Variants in ABCG5 observed in about 807,000 individuals in gnomAD.
ABCG5 encodes the protein ATP binding cassette subfamily G member 5.
Under a neutral mutation model 64.5 loss-of-function variants are expected in ABCG5, and 64 were observed. The ratio of observed to expected loss-of-function variants is 0.99; its 90% CI spans 0.81 to 1.22. ABCG5 has a LOEUF of 1.22. Ranked by LOEUF, ABCG5 falls within the 50% of genes most tolerant of loss-of-function variation. ABCG5 has a pLI of 0.00. For missense variants in ABCG5, 908 were observed against 829.5 expected (o/e 1.09, Z -1.16); for synonymous variants, 385 against 326.3 (o/e 1.18, Z -1.94).
At chr2:43,813,365 A>G in intron 12 of ABCG5, 56 bp from the exon 13 acceptor site, 1 of 1,302,238 alleles carries the variant, frequency 7.7e-7, no homozygotes, top group Non-Finnish European at 1.1e-6. Flanking sequence ...TAATTTAATC[A>G]ACAAGTATTT....
rs773557639 is a variant in ABCG5 at position 43,831,753 on chromosome 2, G to C, written c.501+16C>G. On this transcript the variant is annotated intron_variant, in intron 4 of 12. Coordinates refer to ENST00000405322, the MANE Select transcript of ABCG5 (RefSeq NM_022436.3). ...GGTACTCAGTTTGCCCTCTGTGAGCGGGGGGCTGCACCCACCTTCTTCTGG... is the reference window on the plus strand; with the variant it reads ...GGTACTCAGTTTGCCCTCTGTGAGCCGGGGGCTGCACCCACCTTCTTCTGG... The C allele has an allele frequency of 1.6e-5, 25 of 1,562,012 alleles. No individual in the cohort carries two copies. The South Asian group carries it at 2.6e-4, about 16-fold the overall frequency.
chr2:43,828,067 G>A lies in ABCG5; in HGVS notation c.550C>T (p.Leu184=), dbSNP rs762951266. 1.6e-5 allele frequency: 26 copies of A among 1,614,108 alleles called. No homozygotes were observed. In the Admixed American group the frequency reaches 4.2e-4, roughly 26 times the overall value. The change falls in exon 5 of 13, where the codon CTG becomes TTG. Residue 184 remains leucine (L), a synonymous_variant. Coordinates refer to ENST00000405322, the MANE Select transcript of ABCG5 (RefSeq NM_022436.3). ...ELSLSHVADR[L]IGNYSLGGIS... ...CCCCCCAAGCTGTAGTTGCCAATCA[G>A]TCGGTCTGCCACATGGCTCAGACTC... is the stretch of plus-strand genomic sequence containing the variant.
chr2:43,838,811 C>G lies in ABCG5; in HGVS notation c.-132G>C. On this transcript the variant is annotated 5_prime_UTR_variant, in exon 1 of 13. Coordinates refer to ENST00000405322, the MANE Select transcript of ABCG5 (RefSeq NM_022436.3). The surrounding 1 kb of genome is among the most constrained non-coding windows in gnomAD (Gnocchi z 4.2). ...CCCGGAGTCCCTTGGGACAGCAGGA[C>G]TGGGACTTGGCCACGGAGACCATTA... 6.6e-7 allele frequency: 1 copy of G among 1,517,160 alleles called. No individual in the cohort carries two copies. Among genetic ancestry groups the G allele is most frequent in the Non-Finnish European group, 8.9e-7 (1 of 1,120,226 alleles). 94.0% of individuals were successfully genotyped at this position (1,517,160 alleles called of 1,614,324 possible).
At position 43,828,042 on chromosome 2, in the gene ABCG5, C is replaced by G; in HGVS notation, c.575G>C (p.Gly192Ala). The G allele has an allele frequency of 6.2e-7, 1 of 1,613,982 alleles. No homozygotes were observed. The highest frequency in any genetic ancestry group is 8.5e-7 in the Non-Finnish European group (1 of 1,179,952). The change falls in exon 5 of 13, where the codon GGC becomes GCC. Residue 192 changes from glycine to alanine, a missense_variant. Gly to Ala is a moderately conservative substitution (Grantham distance 60). Coordinates refer to ENST00000405322, the MANE Select transcript of ABCG5 (RefSeq NM_022436.3). Reference protein sequence around the residue: ...DRLIGNYSLGGISTGERRRVS... With the variant: ...DRLIGNYSLGAISTGERRRVS... ...CCGGCGCCGCTCACCCGTGGAAATGCCCCCCAAGCTGTAGTTGCCAATCAG... is the reference window on the plus strand; with the variant it reads ...CCGGCGCCGCTCACCCGTGGAAATGGCCCCCAAGCTGTAGTTGCCAATCAG...
Position 43,819,945 on chromosome 2 carries a change from G to A in ABCG5, c.1619C>T (p.Ala540Val), listed in dbSNP as rs761816968. Residue 540 changes from alanine to valine, a missense_variant, in exon 11 of 13, where the codon GCG (alanine) becomes GTG (valine). Physicochemically the swap from Ala to Val is moderately conservative, Grantham distance 64. Transcript: ENST00000405322. Reference protein sequence around the residue: ...VNSVVALLSIAGVLVGSGFLR... With the variant: ...VNSVVALLSIVGVLVGSGFLR... ...GAATCCAGATCCAACAAGCACCCCC[G>A]CAATGGACAGCAGAGCCACTACACT... is the stretch of plus-strand genomic sequence containing the variant. 9.3e-6 allele frequency: 15 copies of A among 1,613,930 alleles called. No homozygotes were observed. Among genetic ancestry groups the A allele is most frequent in the South Asian group, 1.1e-5 (1 of 91,070 alleles).
intron 7 of ABCG5, 136 bp downstream of exon 7, chr2:43,824,753 T>C (rs1010579632): frequency 1.6e-5 from 23 of 1,462,596 alleles, no homozygotes; most frequent in South Asian, 1.3e-4. Flanking sequence ...CCCGGCCAAA[T>C]TGATTCCTTG....
downstream of ABCG5, chr2:43,810,264 C>T (rs556790992): frequency 2.8e-6 from 2 of 707,438 alleles, no homozygotes; most frequent in African/African-American, 1.9e-5. Flanking sequence ...ATTCCCAGGT[C>T]CCCACACCTA....
chr2:43,826,174 T>C (rs1345865878), intron 6 of ABCG5, among the ~76,000 whole-genome samples: 1 of 151,626 alleles, frequency 6.6e-6, no homozygotes, highest in Non-Finnish European at 1.5e-5. Flanking sequence ...TTCTTTTTTT[T>C]TTTTTTAGAG....
intron 10 of ABCG5, among the ~76,000 whole-genome samples, chr2:43,821,586 G>T (rs1667205760): frequency 1.3e-5 from 2 of 152,064 alleles, no homozygotes; most frequent in African/African-American, 4.8e-5. Context: ...CCACATCTGG[G>T]GACCCTATTC....
upstream of ABCG5, chr2:43,839,097 C>T: frequency 6.4e-7 from 1 of 1,551,214 alleles, no homozygotes. Flanking sequence ...CCGAAAGGGG[C>T]CACTCCCCAG....
Position 43,837,944 on chromosome 2 carries a change from C to A in ABCG5, c.155G>T (p.Arg52Met), listed in dbSNP as rs758798787. 13 of 1,613,930 alleles carry A rather than the reference C, an allele frequency of 8.1e-6. No homozygotes were observed. Among genetic ancestry groups the A allele is most frequent in the Non-Finnish European group, 1.1e-5 (13 of 1,179,976 alleles). The change falls in exon 2 of 13, where the codon AGG becomes ATG. Residue 52 changes from arginine (R) to methionine (M), a missense_variant. By Grantham distance (91) the Arg-to-Met change is moderately conservative (BLOSUM62 -1). Coordinates refer to ENST00000405322, the MANE Select transcript of ABCG5 (RefSeq NM_022436.3). ...GCAAGATGTGATGTCCCACCAGGGC[C>A]TCACGCGGTGGCTTTAAAGGAAACC... is the stretch of plus-strand genomic sequence containing the variant. ...HASYSVSHRV[R>M]PWWDITSCRQ...
chr2:43,835,827 G>A lies in ABCG5; in HGVS notation c.265+2007C>T, dbSNP rs928408089. On this transcript the variant is annotated intron_variant, in intron 2 of 12. Transcript: ENST00000405322. Reference sequence around the variant, plus strand: ...TGAATCTGTTGACCCCCTTGATCTCGGACTTCCCAGCCCCTAGAACTGTGA... The same window carrying A: ...TGAATCTGTTGACCCCCTTGATCTCAGACTTCCCAGCCCCTAGAACTGTGA... Among the ~76,000 whole-genome samples the A allele has an allele frequency of 3.9e-5, 6 of 152,068 alleles. No individual in the cohort carries two copies. In the South Asian group the frequency reaches 8.3e-4, roughly 21 times the overall value.
intron 11 of ABCG5, among the ~76,000 whole-genome samples, chr2:43,815,316 G>T (rs747969190): frequency 3.9e-5 from 6 of 152,172 alleles, no homozygotes; most frequent in Non-Finnish European, 8.8e-5. Flanking sequence ...CTGTTTGCAA[G>T]GCACTAGTTC....
downstream of ABCG5, chr2:43,809,699 T>C: frequency 6.2e-7 from 1 of 1,604,500 alleles, no homozygotes; most frequent in South Asian, 1.1e-5. Flanking sequence ...CATATTTTTG[T>C]TTTAGGAACT....
intron 10 of ABCG5, chr2:43,822,465 T>TCCCCACCCCCCCC: frequency 1.2e-6 from 1 of 842,970 alleles, no homozygotes; most frequent in Non-Finnish European, 1.4e-6. Flanking sequence ...GGCTGCTTTC[T>TCCCCACCCCCCCC]CCCCTCCCCC....
At position 43,828,345 on chromosome 2, in the gene ABCG5, G is replaced by A. The variant is rs773574009; in HGVS notation, c.502-230C>T. 5.2e-6 allele frequency: 3 copies of A among 581,908 alleles called. No homozygotes were observed. The South Asian group carries it at 5.8e-5, about 11-fold the overall frequency. 36.0% of individuals were successfully genotyped at this position (581,908 alleles called of 1,614,324 possible). A position where few individuals can be genotyped will look rare whatever the true frequency, so the allele number is the denominator to read the frequency against. ...ATAAATAATATGAATTTTTTAAAAC[G>A]TCCCCAGAGGCTGGGTGCAGTGGCT... On this transcript the variant is annotated intron_variant, in intron 4 of 12. Transcript: ENST00000405322.
Position 43,813,270 on chromosome 2 carries a change from G to T in ABCG5, c.1802C>A (p.Ala601Asp). ...NVSVTTNPMC[A>D]FTQGIQFIEK... ...AATGAATTGAATTCCTTGAGTGAAG[G>T]CACACATTGGATTAGTTGTCACAGA... The change falls in exon 13 of 13, where the codon GCC becomes GAC. Residue 601 changes from alanine to aspartate, a missense_variant. Ala to Asp is a moderately radical substitution (Grantham distance 126, BLOSUM62 -2). Coordinates refer to ENST00000405322, the MANE Select transcript of ABCG5 (RefSeq NM_022436.3). 6.2e-7 allele frequency: 1 copy of T among 1,613,850 alleles called. No individual in the cohort carries two copies. The highest frequency in any genetic ancestry group is 1.6e-4 in the Middle Eastern group (1 of 6,062).
intron 5 of ABCG5, among the ~76,000 whole-genome samples, chr2:43,827,020 T>C (rs1291055971): frequency 1.3e-5 from 2 of 152,214 alleles, no homozygotes; most frequent in African/African-American, 4.8e-5. Context: ...AGTAACTTAT[T>C]TCTTCCTAAA....
intron 6 of ABCG5, among the ~76,000 whole-genome samples, chr2:43,825,807 C>A (rs966491932): frequency 6.6e-6 from 1 of 152,196 alleles, no homozygotes; most frequent in African/African-American, 2.4e-5. Context: ...TCACTCTTTT[C>A]CTCTGTAAGG....
Sources: gnomAD v4.1 joint callset for allele counts (sites outside exome capture counted in the v4.1 genomes callset) on GRCh38, gnomAD v4.1.1 for gene constraint, Gnocchi (gnomAD v3.1) non-coding constraint, MANE v1.5 for transcripts, NCBI Gene and HGNC (gene_info 2026-07-23, HGNC 2026-07-21) for gene names.